The following DNAI7 variants were observed in gnomAD, a reference collection of about 807,000 sequenced individuals.
DNAI7 encodes dynein axonemal intermediate chain 7, also known as cancer susceptibility 1.
DNAI7 carries 78 observed loss-of-function variants against 86.6 expected under a neutral mutation model. That is an observed-to-expected ratio of 0.90 (90% CI 0.75 to 1.09). The LOEUF (loss-of-function observed/expected upper bound fraction) is 1.09. Among genes scored for constraint, DNAI7 ranks in the 50% least tolerant of loss-of-function variants. DNAI7 has a pLI of 0.00. For synonymous variants in DNAI7, 274 were observed against 273.0 expected, an observed-to-expected ratio of 1.00 and a Z score of -0.04; for missense variants, 753 against 810.2, an observed-to-expected ratio of 0.93 and a Z score of 0.86.
In DNAI7 at chr12:25,177,968, C is replaced by G. The variant is rs143660890; in HGVS notation, c.21+12646G>C. 1.3e-3 allele frequency among the ~76,000 whole-genome samples: 205 copies of G among 152,290 alleles called. 1 individual carries two copies. Among genetic ancestry groups the G allele is most frequent in the African/African-American group, 4.8e-3 (199 of 41,576 alleles). Reference sequence around the variant, plus strand: ...TAATTTCTCATATTAAACCAACTCTCCCTTCCTGGGATAAACTGAATTGTG... The same window carrying G: ...TAATTTCTCATATTAAACCAACTCTGCCTTCCTGGGATAAACTGAATTGTG... On this transcript the variant is annotated intron_variant, in intron 2 of 15. Coordinates refer to ENST00000395987, the MANE Select transcript of DNAI7 (RefSeq NM_018272.5).
At chr12:25,167,317 C>T (rs144815754) in intron 2 of DNAI7, among the ~76,000 whole-genome samples, 3,064 of 152,256 alleles carry the variant, frequency 0.02, 84 homozygotes, top group African/African-American at 0.07. Context: ...CCTCCCTTCC[C>T]TACACATCAA....
intron 6 of DNAI7, among the ~76,000 whole-genome samples, chr12:25,152,484 G>A (rs559515816): frequency 6.6e-6 from 1 of 151,718 alleles, no homozygotes; most frequent in East Asian, 2.0e-4. Context: ...CCCCAAGAGG[G>A]CACGGAAGCT....
At chr12:25,169,623 G>C (rs1157521105) in intron 2 of DNAI7, among the ~76,000 whole-genome samples, 1 of 152,268 alleles carries the variant, frequency 6.6e-6, no homozygotes, top group East Asian at 1.9e-4. Flanking sequence ...CAAGGCAGGG[G>C]GATCACCTGA....
intron 9 of DNAI7, among the ~76,000 whole-genome samples, chr12:25,140,884 T>C (rs1215018099): frequency 6.6e-6 from 1 of 152,114 alleles, no homozygotes; most frequent in Non-Finnish European, 1.5e-5. Context: ...TGGAACAGAA[T>C]AGAGAACCTG....
intron 9 of DNAI7, among the ~76,000 whole-genome samples, chr12:25,126,560 G>A (rs1188198772): frequency 6.6e-6 from 1 of 152,038 alleles, no homozygotes; most frequent in Non-Finnish European, 1.5e-5. Flanking sequence ...CAAGGGAGAG[G>A]CTACGGCTGA....
intron 9 of DNAI7, among the ~76,000 whole-genome samples, chr12:25,130,876 A>G (rs1942825184): frequency 6.6e-6 from 1 of 152,146 alleles, no homozygotes; most frequent in Admixed American, 6.5e-5. Context: ...ATGTGGTATT[A>G]AGAGCCCTCT....
intron 8 of DNAI7, among the ~76,000 whole-genome samples, chr12:25,145,182 C>T (rs78786530): frequency 0.072 from 10,986 of 152,192 alleles, 421 homozygotes; most frequent in South Asian, 0.13. Context: ...ACTTGACATT[C>T]GGAAGAATCT....
chr12:25,193,245 T>C (rs1565863647), intron 1 of DNAI7, among the ~76,000 whole-genome samples: 2 of 152,194 alleles, frequency 1.3e-5, no homozygotes, highest in East Asian at 1.9e-4. Context: ...GCTGATTTTA[T>C]TAGTTAAATT....
intron 5 of DNAI7, 43 bp from the exon 6 acceptor site, chr12:25,154,499 C>T: frequency 6.4e-7 from 1 of 1,569,116 alleles, no homozygotes; most frequent in Non-Finnish European, 8.6e-7. Flanking sequence ...GATGAAGATT[C>T]AACCAAAGAT....
chr12:25,122,242 G>A (rs1285294987), intron 10 of DNAI7, among the ~76,000 whole-genome samples: 1 of 152,084 alleles, frequency 6.6e-6, no homozygotes, highest in Non-Finnish European at 1.5e-5. Context: ...AGAATCGCTT[G>A]AGCCTAGGAG....
chr12:25,132,092 C>T (rs1424698669), intron 9 of DNAI7, among the ~76,000 whole-genome samples: 1 of 152,026 alleles, frequency 6.6e-6, no homozygotes, highest in African/African-American at 2.4e-5. Context: ...AAGGGAATTT[C>T]ACCTCAGCAC....
At position 25,166,586 on chromosome 12, in the gene DNAI7, T is replaced by G. The variant is rs551396912; in HGVS notation, c.22-5389A>C. Among the ~76,000 whole-genome samples, 673 of 152,162 alleles carry G rather than the reference T, an allele frequency of 4.4e-3. 3 individuals carry two copies. Among genetic ancestry groups the G allele is most frequent in the Middle Eastern group, 6.8e-3 (2 of 294 alleles). On this transcript the variant is annotated intron_variant, in intron 2 of 15. Transcript: ENST00000395987. ...CATCTGTTACCTATCTCGGCATAATTCTCATAAAGACACGTGCTCTCCCTG... is the reference window on the plus strand; with the variant it reads ...CATCTGTTACCTATCTCGGCATAATGCTCATAAAGACACGTGCTCTCCCTG...
At chr12:25,124,061 T>TGTGTGC (rs1045679130) in intron 9 of DNAI7, among the ~76,000 whole-genome samples, 1 of 151,404 alleles carries the variant, frequency 6.6e-6, no homozygotes, top group Admixed American at 6.6e-5. Flanking sequence ...TGTGTGTGTG[T>TGTGTGC]GCTAATACTT....
intron 6 of DNAI7, among the ~76,000 whole-genome samples, chr12:25,152,080 G>A (rs991860745): frequency 4.6e-5 from 7 of 152,180 alleles, no homozygotes; most frequent in African/African-American, 1.7e-4. Context: ...CTAACTTGAC[G>A]TGACATAAAA....
At chr12:25,163,652 G>A (rs566103326) in intron 2 of DNAI7, among the ~76,000 whole-genome samples, 1 of 152,116 alleles carries the variant, frequency 6.6e-6, no homozygotes, top group Non-Finnish European at 1.5e-5. Context: ...TGGATCAGGG[G>A]ACCTCCCTTG....
At position 25,185,690 on chromosome 12, in the gene DNAI7, C is replaced by T. The variant is rs1432496637; in HGVS notation, c.21+4924G>A. The T allele has an allele frequency of 8.7e-6, 6 of 688,266 alleles. No homozygotes were observed. In the South Asian group the frequency reaches 2.6e-4, roughly 30 times the overall value. The allele number at this position is 688,266 out of a possible 1,614,324, so 42.6% of individuals were successfully genotyped here. On this transcript the variant is annotated intron_variant, in intron 2 of 15. Coordinates refer to ENST00000395987, the MANE Select transcript of DNAI7 (RefSeq NM_018272.5). Reference sequence around the variant, plus strand: ...AAAGATGCAATTTTAATGTCCTGAACTCAATACCATTTATATTTTAGTGTC... The same window carrying T: ...AAAGATGCAATTTTAATGTCCTGAATTCAATACCATTTATATTTTAGTGTC...
At chr12:25,185,669 A>G (rs571182488) in intron 2 of DNAI7, 4 of 453,488 alleles carry the variant, frequency 8.8e-6, no homozygotes, top group African/African-American at 8.5e-5. Context: ...TTTTTAAAAG[A>G]TGCAATTTTA....
In DNAI7 at chr12:25,131,156, A is replaced by G. The variant is rs1473117038; in HGVS notation, c.1003-7870T>C. 2.0e-4 allele frequency among the ~76,000 whole-genome samples: 4 copies of G among 20,006 alleles called. No homozygotes were observed. In the Admixed American group the frequency reaches 2.9e-3, roughly 15 times the overall value. 13.1% of individuals were successfully genotyped at this position (20,006 alleles called of 152,430 possible). A position where few individuals can be genotyped will look rare whatever the true frequency, so the allele number is the denominator to read the frequency against. ...CCTAAAATTGTGAGGTAAGCAGTTT[A>G]CCCCCAACCAAAAAAAAAAAGCTGG... On this transcript the variant is annotated intron_variant, in intron 9 of 15. Transcript: ENST00000395987.
At chr12:25,115,185 C>T (rs1317058695) in intron 12 of DNAI7, among the ~76,000 whole-genome samples, 1 of 152,202 alleles carries the variant, frequency 6.6e-6, no homozygotes, top group African/African-American at 2.4e-5. Flanking sequence ...TGTATGTATA[C>T]CTCTGGGCCT....
Sources: gnomAD v4.1 joint callset for allele counts (sites outside exome capture counted in the v4.1 genomes callset) on GRCh38, gnomAD v4.1.1 for gene constraint, MANE v1.5 for transcripts, NCBI Gene and HGNC (gene_info 2026-07-23, HGNC 2026-07-21) for gene names.